Variants in THSD7A observed in about 807,000 individuals in gnomAD.
The protein encoded by THSD7A is thrombospondin type-1 domain-containing protein 7A.
A neutral mutation model predicts 231.3 loss-of-function variants in THSD7A; 96 were observed. The ratio of observed to expected loss-of-function variants is 0.41; its 90% CI spans 0.35 to 0.49. The LOEUF (loss-of-function observed/expected upper bound fraction) is 0.49, where lower values mean the gene tolerates loss of function less well. Among genes scored for constraint, THSD7A ranks in the 20% least tolerant of loss-of-function variants. The pLI is 0.05. For synonymous variants in THSD7A, 940 were observed against 743.3 expected (o/e 1.26, Z -4.30); for missense variants, 2,290 against 2,070.2 (o/e 1.11, Z -2.06).
chr7:11,781,109 T>C (rs375632815), intron 1 of THSD7A, among the ~76,000 whole-genome samples: 3 of 138,376 alleles, frequency 2.2e-5, no homozygotes, highest in Middle Eastern at 9.9e-3. Flanking sequence ...TATGAGCCAA[T>C]AGAAGTATAT....
chr7:11,775,632 T>C (rs1783376814), intron 1 of THSD7A, among the ~76,000 whole-genome samples: 1 of 152,118 alleles, frequency 6.6e-6, no homozygotes, highest in Non-Finnish European at 1.5e-5. Flanking sequence ...GTACCTAGAA[T>C]AGTCAAATTA....
At chr7:11,531,003 T>A (rs113904027) in intron 6 of THSD7A, among the ~76,000 whole-genome samples, 2,257 of 152,186 alleles carry the variant, frequency 0.015, 80 homozygotes, top group African/African-American at 0.051. Context: ...AGACCAAGAC[T>A]CTGTCACAAA....
In THSD7A at chr7:11,499,841, T is replaced by G. The variant is rs367964218; in HGVS notation, c.1823-17859A>C. On this transcript the variant is annotated intron_variant, in intron 6 of 27. Transcript: ENST00000423059. Reference sequence around the variant, plus strand: ...TATGTGAAGAGGCCAAATCTATGAATCAGTGGCATTCCTGAAAGGGAGGGG... The same window carrying G: ...TATGTGAAGAGGCCAAATCTATGAAGCAGTGGCATTCCTGAAAGGGAGGGG... Among the ~76,000 whole-genome samples, 15 of 152,276 alleles carry G rather than the reference T, an allele frequency of 9.9e-5. No individual in the cohort carries two copies. In the South Asian group the frequency reaches 3.1e-3, roughly 32 times the overall value.
At chr7:11,716,764 T>C (rs1030374238) in intron 1 of THSD7A, among the ~76,000 whole-genome samples, 1 of 151,632 alleles carries the variant, frequency 6.6e-6, no homozygotes, top group Non-Finnish European at 1.5e-5. Context: ...TCCAATGCCT[T>C]ATGTATATGG....
At chr7:11,559,506 CATATATATAAATCCATAT>C (rs1225562236) in intron 4 of THSD7A, among the ~76,000 whole-genome samples, 1 of 43,878 alleles carries the variant, frequency 2.3e-5, no homozygotes, top group Non-Finnish European at 5.5e-5. Context: ...CATACATATA[CATATATATAAATCCATAT>C]ATATATATAT....
intron 1 of THSD7A, among the ~76,000 whole-genome samples, chr7:11,651,226 G>C (rs778793342): frequency 6.6e-6 from 1 of 151,976 alleles, no homozygotes. Context: ...GAAATACCTA[G>C]AATGGTCAAA....
intron 6 of THSD7A, among the ~76,000 whole-genome samples, chr7:11,511,103 A>T (rs999849598): frequency 1.2e-4 from 19 of 152,216 alleles, no homozygotes; most frequent in Non-Finnish European, 2.1e-4. Context: ...TACAAAATCA[A>T]TGTGCAAAAA....
chr7:11,418,881 A>T (rs1784048257), intron 16 of THSD7A, among the ~76,000 whole-genome samples: 1 of 152,214 alleles, frequency 6.6e-6, no homozygotes, highest in Non-Finnish European at 1.5e-5. Context: ...TATGCAAAGT[A>T]GATATTGATA....
chr7:11,805,460 CTATA>C (rs1784375895), intron 1 of THSD7A, among the ~76,000 whole-genome samples: 1 of 152,042 alleles, frequency 6.6e-6, no homozygotes, highest in Non-Finnish European at 1.5e-5. Context: ...TTAGTGGTCT[CTATA>C]TTATGAATAA....
chr7:11,772,194 T>C (rs115286806), intron 1 of THSD7A, among the ~76,000 whole-genome samples: 1,620 of 132,660 alleles, frequency 0.012, 21 homozygotes, highest in African/African-American at 0.043. Context: ...ATTATTATTA[T>C]TAAAAAGTTA....
chr7:11,674,039 G>C (rs535161073), intron 1 of THSD7A, among the ~76,000 whole-genome samples: 1 of 151,752 alleles, frequency 6.6e-6, no homozygotes, highest in Non-Finnish European at 1.5e-5. Context: ...AACACACACC[G>C]ACTCTACAAG....
intron 1 of THSD7A, among the ~76,000 whole-genome samples, chr7:11,652,026 G>A (rs1782525675): frequency 6.6e-6 from 1 of 151,940 alleles, no homozygotes; most frequent in Non-Finnish European, 1.5e-5. Flanking sequence ...TACACATCTA[G>A]AAGCATATTT....
intron 1 of THSD7A, among the ~76,000 whole-genome samples, chr7:11,812,140 T>TGTGTGTGTGTGTGTGTGTGTGTGTGTGA (rs377112108): frequency 6.8e-6 from 1 of 146,908 alleles, no homozygotes; most frequent in Admixed American, 6.7e-5. Context: ...TGTGTGTGTG[T>TGTGTGTGTGTGTGTGTGTGTGTGTGTGA]GGGAGACAGA....
Position 11,540,639 on chromosome 7 carries a change from G to A in THSD7A, c.1822+780C>T, listed in dbSNP as rs77987724. Among the ~76,000 whole-genome samples the A allele has an allele frequency of 2.3e-4, 35 of 152,292 alleles. 1 individual carries two copies. In the East Asian group the frequency reaches 4.6e-3, roughly 20 times the overall value. Reference sequence around the variant, plus strand: ...GTCCAGAGGTTTTAAAGTATGTCTGGGGGAGTCTTGTGGTTTTCAAGTGTG... The same window carrying A: ...GTCCAGAGGTTTTAAAGTATGTCTGAGGGAGTCTTGTGGTTTTCAAGTGTG... On this transcript the variant is annotated intron_variant, in intron 6 of 27. Coordinates refer to ENST00000423059, the MANE Select transcript of THSD7A (RefSeq NM_015204.3).
rs1454257036 is a variant in THSD7A at position 11,791,021 on chromosome 7, TAGTG to T, written c.190+40732_190+40735del. 4.6e-5 allele frequency among the ~76,000 whole-genome samples: 7 copies of T among 152,020 alleles called. No individual in the cohort carries two copies. The South Asian group carries it at 8.3e-4, about 18-fold the overall frequency. ...ATGGTATTGTGAAGAATAAAAAACATAGTGAGAAAGGTTGGAAGTCAAGCCTTGT... is the reference window on the plus strand; with the variant it reads ...ATGGTATTGTGAAGAATAAAAAACATAGAAAGGTTGGAAGTCAAGCCTTGT... On this transcript the variant is annotated intron_variant, in intron 1 of 27. Transcript: ENST00000423059.
intron 6 of THSD7A, among the ~76,000 whole-genome samples, chr7:11,484,039 C>T (rs1786544014): frequency 6.7e-6 from 1 of 150,278 alleles, no homozygotes; most frequent in African/African-American, 2.4e-5. Context: ...CAGTTTGTGT[C>T]CCATATCTTA....
intron 1 of THSD7A, among the ~76,000 whole-genome samples, chr7:11,683,403 C>T (rs1783943812): frequency 6.6e-6 from 1 of 151,304 alleles, no homozygotes; most frequent in African/African-American, 2.4e-5. Context: ...AACATTGAGA[C>T]CAAAAAATCT....
At chr7:11,604,655 A>G (rs1199172314) in intron 2 of THSD7A, among the ~76,000 whole-genome samples, 1 of 152,144 alleles carries the variant, frequency 6.6e-6, no homozygotes, top group Admixed American at 6.6e-5. Context: ...TGGAATTCAA[A>G]CTATTCAGAT....
In THSD7A at chr7:11,632,391, A is replaced by AT. The variant is rs546136309; in HGVS notation, c.1022+3738dup. On this transcript the variant is annotated intron_variant, in intron 2 of 27. Transcript: ENST00000423059. This position sits in a 1 kb window ranked among gnomAD's most constrained non-coding sequence, Gnocchi z 4.1. ...ATCTTTTTCCCCATTATAATATTTA[A>AT]TTTTTTAAGCATCTAGGGAATATAT... Among the ~76,000 whole-genome samples the AT allele has an allele frequency of 1.3e-5, 2 of 152,112 alleles. No homozygotes were observed. The highest frequency in any genetic ancestry group is 2.9e-5 in the Non-Finnish European group (2 of 68,014).
Sources: gnomAD v4.1 joint callset for allele counts (sites outside exome capture counted in the v4.1 genomes callset) on GRCh38, gnomAD v4.1.1 for gene constraint, Gnocchi (gnomAD v3.1) non-coding constraint, MANE v1.5 for transcripts, NCBI Gene and HGNC (gene_info 2026-07-23, HGNC 2026-07-21) for gene names.